Variants in EIF2AK4 observed in about 807,000 individuals in gnomAD.
EIF2AK4 encodes the protein eIF-2-alpha kinase GCN2.
Under a neutral mutation model 211.1 loss-of-function variants are expected in EIF2AK4, and 139 were observed. The observed-to-expected ratio is 0.66, with a 90% CI of 0.57 to 0.76. The LOEUF is 0.76. EIF2AK4 is among the 30% of genes least tolerant of loss of function. EIF2AK4 has a pLI of 0.00. For synonymous variants in EIF2AK4, 710 were observed against 751.3 expected (o/e 0.94, Z 0.90); for missense variants, 1,664 against 2,043.8 (o/e 0.81, Z 3.58).
chr15:40,034,844 G>A (rs1019557350), intron 38 of EIF2AK4, among the ~76,000 whole-genome samples, 183 bp from the exon 39 acceptor site: 1 of 152,096 alleles, frequency 6.6e-6, no homozygotes, highest in African/African-American at 2.4e-5. Context: ...TCCTTACTAG[G>A]ACCTTATACT....
chr15:39,978,716 CAAAA>C (rs1291289065), intron 13 of EIF2AK4, among the ~76,000 whole-genome samples: 1 of 152,012 alleles, frequency 6.6e-6, no homozygotes, highest in Non-Finnish European at 1.5e-5. Context: ...GCTAAACAAA[CAAAA>C]AAATCACAAA....
chr15:39,983,351 T>G (rs2034820079), intron 13 of EIF2AK4, among the ~76,000 whole-genome samples: 1 of 152,256 alleles, frequency 6.6e-6, no homozygotes, highest in Non-Finnish European at 1.5e-5. Flanking sequence ...TGTCTTCTTT[T>G]GAAAAGTGTC....
Position 39,939,485 on chromosome 15 carries a change from T to G in EIF2AK4, c.145-20T>G. Reference sequence around the variant, plus strand: ...GCTCTACAGCTTTGAAAAAAATTTTTTTTGTTTTTCCTCTTTTAGGTCAAA... The same window carrying G: ...GCTCTACAGCTTTGAAAAAAATTTTGTTTGTTTTTCCTCTTTTAGGTCAAA... On this transcript the variant is annotated intron_variant, in intron 1 of 38. Coordinates refer to ENST00000263791, the MANE Select transcript of EIF2AK4 (RefSeq NM_001013703.4). 1 of 1,570,686 alleles carries G rather than the reference T, an allele frequency of 6.4e-7. No homozygotes were observed.
chr15:39,940,737 G>A (rs985636247), intron 2 of EIF2AK4, among the ~76,000 whole-genome samples: 2 of 151,688 alleles, frequency 1.3e-5, no homozygotes, highest in African/African-American at 4.9e-5. Context: ...GATACCATGT[G>A]GGTGTCCAGT....
chr15:40,021,034 G>C lies in EIF2AK4; in HGVS notation c.4302+7G>C, dbSNP rs1274071390. ...CATGTACGACTGGTCACAGGTAATG[G>C]GACAAAAAGCACCTGTGAGTGAAGT... is the stretch of plus-strand genomic sequence containing the variant. On this transcript the variant is annotated splice_region_variant and intron_variant, in intron 31 of 38. Transcript: ENST00000263791. 6.2e-7 allele frequency: 1 copy of C among 1,609,958 alleles called. No homozygotes were observed. The highest frequency in any genetic ancestry group is 1.1e-5 in the South Asian group (1 of 90,316).
At chr15:39,959,303 G>A (rs1387108669) in intron 6 of EIF2AK4, among the ~76,000 whole-genome samples, 3 of 152,140 alleles carry the variant, frequency 2.0e-5, no homozygotes, top group Non-Finnish European at 4.4e-5. Flanking sequence ...TGGGTCCCAG[G>A]TAGACAGTAT....
chr15:39,952,466 A>G (rs986789202), intron 4 of EIF2AK4, among the ~76,000 whole-genome samples: 5 of 151,898 alleles, frequency 3.3e-5, no homozygotes, highest in Non-Finnish European at 7.4e-5. Context: ...TTGTAGAGAC[A>G]AGATCTCCCT....
At chr15:40,033,359 C>T (rs1410599551) in intron 37 of EIF2AK4, among the ~76,000 whole-genome samples, 1 of 152,146 alleles carries the variant, frequency 6.6e-6, no homozygotes, top group African/African-American at 2.4e-5. Context: ...AAACAAAATC[C>T]TTTTGTAAAA....
At chr15:39,976,288 GTTCT>G in intron 11 of EIF2AK4, 122 bp from the exon 12 acceptor site, 1 of 1,027,218 alleles carries the variant, frequency 9.7e-7, no homozygotes, top group South Asian at 1.9e-5. Context: ...CAGGCATGTG[GTTCT>G]TGACTGTAGC....
chr15:39,963,103 A>G (rs1435933961), intron 7 of EIF2AK4, among the ~76,000 whole-genome samples: 2 of 152,336 alleles, frequency 1.3e-5, no homozygotes, highest in East Asian at 3.9e-4. Flanking sequence ...TCAATAATCT[A>G]TGAGCTAAAT....
intron 9 of EIF2AK4, among the ~76,000 whole-genome samples, chr15:39,969,456 G>C (rs1440128414): frequency 6.7e-6 from 1 of 149,300 alleles, no homozygotes; most frequent in Admixed American, 6.7e-5. Flanking sequence ...CGCCTCCCAG[G>C]TTCACGCCAT....
intron 35 of EIF2AK4, among the ~76,000 whole-genome samples, chr15:40,031,863 T>G (rs2035548463): frequency 6.6e-6 from 1 of 152,112 alleles, no homozygotes; most frequent in Admixed American, 6.6e-5. Context: ...ATAGCTAGTA[T>G]TATAAGCGCC....
intron 35 of EIF2AK4, among the ~76,000 whole-genome samples, chr15:40,031,585 G>A (rs999119772): frequency 6.6e-6 from 1 of 152,058 alleles, no homozygotes; most frequent in Non-Finnish European, 1.5e-5. Flanking sequence ...ACTGCGCTAC[G>A]CCTTTATAAG....
chr15:39,972,932 A>T lies in EIF2AK4; in HGVS notation c.1578A>T (p.Glu526Asp). ...LKKCVCLDDK[E>D]RWSPQQLLKH... ...GATGTGTGTGCTTGGATGACAAGGA[A>T]AGATGGAGTCCCCAGCAGTTGTTGA... The change falls in exon 10 of 39, where the codon GAA becomes GAT. Residue 526 changes from glutamate (E) to aspartate (D), a missense_variant. Coordinates refer to ENST00000263791, the MANE Select transcript of EIF2AK4 (RefSeq NM_001013703.4). The T allele has an allele frequency of 6.2e-7, 1 of 1,613,926 alleles. No homozygotes were observed. The highest frequency in any genetic ancestry group is 8.5e-7 in the Non-Finnish European group (1 of 1,179,980).
At chr15:39,949,337 T>A in intron 4 of EIF2AK4, 69 bp downstream of exon 4, 1 of 1,578,680 alleles carries the variant, frequency 6.3e-7, no homozygotes, top group Non-Finnish European at 8.6e-7. Flanking sequence ...GTAGGTTTTA[T>A]CTGTCTCTGC....
chr15:40,012,314 AC>A (rs1229363335), intron 27 of EIF2AK4, among the ~76,000 whole-genome samples: 2 of 152,230 alleles, frequency 1.3e-5, no homozygotes, highest in Non-Finnish European at 2.9e-5. Flanking sequence ...CAGAGGGCAC[AC>A]GGAAACCAGA....
In EIF2AK4 at chr15:39,949,161, G is replaced by C; in HGVS notation, c.406G>C (p.Glu136Gln). Reference protein sequence around the residue: ...LAYHVQSFLSEHNKPPPKSFH... With the variant: ...LAYHVQSFLSQHNKPPPKSFH... ...TTACCACGTGCAGTCATTTCTCAGC[G>C]AGCATAACAAGCCCCCTCCCAAGTC... is the stretch of plus-strand genomic sequence containing the variant. The change falls in exon 4 of 39, where the codon GAG becomes CAG. Residue 136 changes from glutamate to glutamine, a missense_variant. Physicochemically the swap from Glu to Gln is conservative, Grantham distance 29. Transcript: ENST00000263791. 1.2e-6 allele frequency: 2 copies of C among 1,613,990 alleles called. No individual in the cohort carries two copies. The highest frequency in any genetic ancestry group is 1.7e-6 in the Non-Finnish European group (2 of 1,179,992).
At chr15:39,934,994 C>G (rs962756720) in intron 1 of EIF2AK4, among the ~76,000 whole-genome samples, 2 of 152,014 alleles carry the variant, frequency 1.3e-5, no homozygotes, top group African/African-American at 2.4e-5. Context: ...TTTGGCTTCC[C>G]TGGGCCACAC....
chr15:39,993,171 C>T (rs12916126), intron 18 of EIF2AK4, among the ~76,000 whole-genome samples: 1 of 148,690 alleles, frequency 6.7e-6, no homozygotes, highest in Non-Finnish European at 1.5e-5. Flanking sequence ...CGTCCATCCA[C>T]CCATCCATCC....
Sources: allele counts gnomAD v4.1 joint callset (sites outside exome capture counted in the v4.1 genomes callset), GRCh38; gene constraint gnomAD v4.1.1; transcripts MANE v1.5; gene names NCBI Gene and HGNC (gene_info 2026-07-23, HGNC 2026-07-21).